The following RAB31 variants were observed in gnomAD, a reference collection of about 807,000 sequenced individuals.
The protein encoded by RAB31 is ras-related protein Rab-31.
RAB31 carries 21 observed loss-of-function variants against 25.6 expected under a neutral mutation model. That is an observed-to-expected ratio of 0.82 (90% CI 0.58 to 1.18). The LOEUF is 1.18. RAB31 is among the 50% of genes most tolerant of loss of function. The probability of loss-of-function intolerance (pLI) is 0.00; values close to 1 mark genes in which losing one functional copy is unlikely to be tolerated. For missense variants in RAB31, 196 were observed against 250.1 expected (o/e 0.78, Z 1.46); for synonymous variants, 87 against 84.0 (o/e 1.04, Z -0.20).
At position 9,759,430 on chromosome 18, in the gene RAB31, C is replaced by T. The variant is rs114873785; in HGVS notation, c.40-15848C>T. 9.3e-3 allele frequency among the ~76,000 whole-genome samples: 1,406 copies of T among 151,710 alleles called. 21 individuals carry two copies. Among genetic ancestry groups the T allele is most frequent in the African/African-American group, 0.031 (1,298 of 41,334 alleles). On this transcript the variant is annotated intron_variant, in intron 1 of 6. Transcript: ENST00000578921. ...AAGTAAACCTCCCACCTCAGCCTCC[C>T]GAAGTGTTGGGATTATAAGCGTGAG...
intron 1 of RAB31, among the ~76,000 whole-genome samples, chr18:9,762,047 A>C (rs2068291764): frequency 6.6e-6 from 1 of 152,068 alleles, no homozygotes; most frequent in South Asian, 2.1e-4. Flanking sequence ...AGCTCAGGTG[A>C]TCCACCTGCC....
intron 5 of RAB31, among the ~76,000 whole-genome samples, chr18:9,840,368 A>G (rs2068727057): frequency 6.6e-6 from 1 of 152,082 alleles, no homozygotes; most frequent in African/African-American, 2.4e-5. Context: ...AGTAAACCCT[A>G]TACACTTGTT....
intron 3 of RAB31, among the ~76,000 whole-genome samples, chr18:9,804,645 T>C (rs1220581671): frequency 6.6e-6 from 1 of 152,198 alleles, no homozygotes; most frequent in East Asian, 1.9e-4. Context: ...CCTATGAGTG[T>C]CACTCTTGAA....
chr18:9,728,047 A>T (rs2145462954), intron 1 of RAB31, among the ~76,000 whole-genome samples: 1 of 152,358 alleles, frequency 6.6e-6, no homozygotes, highest in Non-Finnish European at 1.5e-5. Context: ...GTATAAAATG[A>T]AAAGTAAAAA....
At chr18:9,719,310 T>A (rs2068061717) in intron 1 of RAB31, among the ~76,000 whole-genome samples, 4 of 56,298 alleles carry the variant, frequency 7.1e-5, no homozygotes, top group African/African-American at 1.3e-4. Flanking sequence ...TATATATATA[T>A]ATATATATAT....
Position 9,845,601 on chromosome 18 carries a change from G to T in RAB31, c.400G>T (p.Ala134Ser). Reference protein sequence around the residue: ...SDIREVPLKDAKEYAESIGAI... With the variant: ...SDIREVPLKDSKEYAESIGAI... ...TTCCAGGGAGGTTCCCCTGAAGGAT[G>T]CTAAGGAATACGCTGAATCCATAGG... The change falls in exon 6 of 7, where the codon GCT becomes TCT. Residue 134 changes from alanine (A) to serine (S), a missense_variant. Coordinates refer to ENST00000578921, the MANE Select transcript of RAB31 (RefSeq NM_006868.4). The T allele has an allele frequency of 6.4e-7, 1 of 1,556,866 alleles. No individual in the cohort carries two copies. Among genetic ancestry groups the T allele is most frequent in the Non-Finnish European group, 8.7e-7 (1 of 1,151,894 alleles).
At chr18:9,757,499 C>T (rs2068266026) in intron 1 of RAB31, among the ~76,000 whole-genome samples, 1 of 152,222 alleles carries the variant, frequency 6.6e-6, no homozygotes, top group South Asian at 2.1e-4. Flanking sequence ...AATGCCCAGT[C>T]TTTACTTCCT....
rs185303734 is a variant in RAB31, at chr18:9,765,039, G to A, written c.40-10239G>A. Among the ~76,000 whole-genome samples, 48 of 151,722 alleles carry A rather than the reference G, an allele frequency of 3.2e-4. 1 individual carries two copies. The highest frequency in any genetic ancestry group is 1.1e-3 in the African/African-American group (46 of 41,332). ...CCGATCTTGGCTCACGGCAACCTAC[G>A]CCTCCTGGGCTCAAGCAATTCTCTT... On this transcript the variant is annotated intron_variant, in intron 1 of 6. Transcript: ENST00000578921.
chr18:9,856,254 G>GC (rs1292127238), intron 6 of RAB31: 1 of 152,198 alleles, frequency 6.6e-6, no homozygotes, highest in African/African-American at 2.4e-5. Flanking sequence ...ACAGAGCCAG[G>GC]CCTTCCTCAA....
intron 1 of RAB31, among the ~76,000 whole-genome samples, chr18:9,773,706 C>G (rs192715971): frequency 1.1e-3 from 162 of 152,286 alleles, no homozygotes; most frequent in Middle Eastern, 6.8e-3. Context: ...GTCACCCAGG[C>G]TGAGTGCAGT....
intron 1 of RAB31, chr18:9,735,290 T>C: frequency 6.0e-6 from 1 of 167,050 alleles, no homozygotes; most frequent in East Asian, 1.6e-4. Context: ...AGTGTAGGGA[T>C]TATAGGTGTG....
At chr18:9,850,147 G>A (rs961778631) in intron 6 of RAB31, among the ~76,000 whole-genome samples, 2 of 152,180 alleles carry the variant, frequency 1.3e-5, no homozygotes, top group Non-Finnish European at 2.9e-5. Flanking sequence ...GGAAGACAGC[G>A]TTACCAAGAG....
At chr18:9,848,570 C>T (rs1432784742) in intron 6 of RAB31, among the ~76,000 whole-genome samples, 2 of 152,242 alleles carry the variant, frequency 1.3e-5, no homozygotes, top group African/African-American at 4.8e-5. Flanking sequence ...CCTAAATATA[C>T]TGCAGCAGAC....
intron 2 of RAB31, among the ~76,000 whole-genome samples, chr18:9,790,709 G>T (rs528430965): frequency 6.6e-6 from 1 of 152,270 alleles, no homozygotes; most frequent in South Asian, 2.1e-4. Context: ...AGGCCAGCTT[G>T]TCTTACAGAA....
intron 1 of RAB31, among the ~76,000 whole-genome samples, chr18:9,713,031 G>C (rs545465177): frequency 6.6e-6 from 1 of 152,266 alleles, no homozygotes; most frequent in Non-Finnish European, 1.5e-5. Flanking sequence ...CGCATGGAAG[G>C]CCTCTTGTCT....
intron 6 of RAB31, among the ~76,000 whole-genome samples, chr18:9,846,693 G>A (rs1228719022): frequency 5.3e-5 from 8 of 152,170 alleles, no homozygotes; most frequent in African/African-American, 1.4e-4. Context: ...CAGAGAAGCC[G>A]TGGCTTCCCA....
At chr18:9,733,216 G>A (rs1310786349) in intron 1 of RAB31, among the ~76,000 whole-genome samples, 2 of 152,176 alleles carry the variant, frequency 1.3e-5, no homozygotes, top group Non-Finnish European at 2.9e-5. Context: ...GAGTCTATAA[G>A]TTAGGAATAA....
chr18:9,809,497 C>CATTATTAT (rs112160157), intron 3 of RAB31, among the ~76,000 whole-genome samples: 2,733 of 152,254 alleles, frequency 0.018, 73 homozygotes, highest in African/African-American at 0.061. Context: ...TCCAGGGAAG[C>CATTATTAT]ATGTGGTGTT....
At chr18:9,822,870 A>G (rs1421437586) in intron 5 of RAB31, among the ~76,000 whole-genome samples, 1 of 152,230 alleles carries the variant, frequency 6.6e-6, no homozygotes, top group Admixed American at 6.5e-5. Context: ...TTATAAAACT[A>G]AACGTGCAGT....
Sources: allele counts gnomAD v4.1 joint callset (sites outside exome capture counted in the v4.1 genomes callset), GRCh38; gene constraint gnomAD v4.1.1; transcripts MANE v1.5; gene names NCBI Gene and HGNC (gene_info 2026-07-23, HGNC 2026-07-21).